PDK3: variants seen among roughly 807,000 people sequenced by gnomAD.
The protein encoded by PDK3 is pyruvate dehydrogenase kinase, isozyme 3.
Under a neutral mutation model 32.0 loss-of-function variants are expected in PDK3, and 12 were observed. The ratio of observed to expected loss-of-function variants is 0.37; its 90% confidence interval spans 0.24 to 0.61. The LOEUF (loss-of-function observed/expected upper bound fraction) is 0.61. PDK3 is among the 20% of genes least tolerant of loss of function. The pLI, the probability that PDK3 is intolerant of heterozygous loss-of-function variation, is 0.65. For synonymous variants in PDK3, 122 were observed against 116.3 expected (o/e 1.05, Z -0.31); for missense variants, 188 against 316.9 (o/e 0.59, Z 3.09).
rs373426706 is a variant in PDK3 at position 24,480,857 on chromosome X, C to G, written c.107-13885C>G. 1.6e-4 allele frequency among the ~76,000 whole-genome samples: 18 copies of G among 111,435 alleles called. 1 individual carries two copies. The East Asian group carries it at 3.1e-3, about 19-fold the overall frequency. ...ACGTATGCTAGTCAGAAGGATGAAT[C>G]ATATAATTTTGTGGTATCTTTTTGC... On this transcript the variant is annotated intron_variant, in intron 1 of 10. Coordinates refer to ENST00000379162, the MANE Select transcript of PDK3 (RefSeq NM_005391.5).
rs1486575043 is a variant in PDK3, at chrX:24,526,257, C to A, written c.733C>A (p.Leu245Ile). 5 of 1,183,121 alleles carry A rather than the reference C, an allele frequency of 4.2e-6. No individual in the cohort carries two copies. In the South Asian group the frequency reaches 7.2e-5, roughly 17 times the overall value. ...TGTGCCCTCACATCTGTTTCATATG[C>A]TATTTGAGTTGTTCAAGGTAAGTGG... ...VYVPSHLFHM[L>I]FELFKNSMRA... The change falls in exon 7 of 11, where the codon CTA becomes ATA. Residue 245 changes from leucine to isoleucine, a missense_variant. Coordinates refer to ENST00000379162, the MANE Select transcript of PDK3 (RefSeq NM_005391.5).
chrX:24,478,644 T>C (rs1921172789), intron 1 of PDK3, among the ~76,000 whole-genome samples: 1 of 112,235 alleles, frequency 8.9e-6, no homozygotes, highest in African/African-American at 3.2e-5. Context: ...TGCCTCATCT[T>C]AACTCTGAGA....
chrX:24,538,948 G>A (rs1369305663), downstream of PDK3, among the ~76,000 whole-genome samples: 3 of 111,584 alleles, frequency 2.7e-5, no homozygotes, highest in African/African-American at 6.5e-5. Flanking sequence ...GTAAAGAACC[G>A]TTTTAAAGTA....
intron 5 of PDK3, 42 bp from the exon 6 acceptor site, chrX:24,518,891 A>C: frequency 1.0e-5 from 8 of 798,310 alleles, no homozygotes; most frequent in African/African-American, 2.0e-5. Context: ...GCTTGTGCCT[A>C]TGTTATTAGT....
At chrX:24,529,782 A>G (rs1374714229) in intron 9 of PDK3, among the ~76,000 whole-genome samples, 1 of 110,793 alleles carries the variant, frequency 9.0e-6, no homozygotes, top group Non-Finnish European at 1.9e-5. Flanking sequence ...AAAAGAAAAG[A>G]AAAAGAAACT....
intron 6 of PDK3, among the ~76,000 whole-genome samples, chrX:24,522,862 C>T (rs542012603): frequency 3.7e-5 from 4 of 107,260 alleles, no homozygotes; most frequent in African/African-American, 1.0e-4. Context: ...GCTGAAATTG[C>T]GCCACTGCAC....
At chrX:24,529,120 G>A (rs1472485200) in intron 9 of PDK3, among the ~76,000 whole-genome samples, 2 of 111,640 alleles carry the variant, frequency 1.8e-5, no homozygotes, top group East Asian at 5.6e-4. Flanking sequence ...TTTGAGAGGC[G>A]TTGCCTTGAC....
At chrX:24,505,139 A>T in intron 4 of PDK3, 70 bp from the exon 5 acceptor site, 1 of 724,579 alleles carries the variant, frequency 1.4e-6, no homozygotes, top group Non-Finnish European at 2.1e-6. Context: ...ATAAGCCCCT[A>T]TATTTCCCTG....
At position 24,494,817 on chromosome X, in the gene PDK3, T is replaced by G; in HGVS notation, c.182T>G (p.Met61Arg). The G allele has an allele frequency of 8.3e-7, 1 of 1,201,913 alleles. No homozygotes were observed. The highest frequency in any genetic ancestry group is 1.1e-6 in the Non-Finnish European group (1 of 887,345). The change falls in exon 2 of 11, where the codon ATG becomes AGG. Residue 61 changes from methionine to arginine, a missense_variant. Met to Arg is a moderately conservative substitution (Grantham distance 91). Coordinates refer to ENST00000379162, the MANE Select transcript of PDK3 (RefSeq NM_005391.5). Reference sequence around the variant, plus strand: ...CTTCCTGTGCGGCTGGCTAACACAATGAGAGAAGTTAATCTTCTGCCGGAT... The same window carrying G: ...CTTCCTGTGCGGCTGGCTAACACAAGGAGAGAAGTTAATCTTCTGCCGGAT... ...KELPVRLANT[M>R]REVNLLPDNL...
intron 1 of PDK3, among the ~76,000 whole-genome samples, chrX:24,475,184 ATT>A (rs74314229): frequency 9.6e-6 from 1 of 103,836 alleles, no homozygotes. Context: ...TAAATGACAG[ATT>A]TTTTTTTTTT....
Position 24,494,729 on chromosome X carries a change from C to T in PDK3, c.107-13C>T. 8.6e-7 allele frequency: 1 copy of T among 1,158,819 alleles called. No homozygotes were observed. Among genetic ancestry groups the T allele is most frequent in the Non-Finnish European group, 1.2e-6 (1 of 858,201 alleles). On this transcript the variant is annotated splice_polypyrimidine_tract_variant and intron_variant, in intron 1 of 10. Coordinates refer to ENST00000379162, the MANE Select transcript of PDK3 (RefSeq NM_005391.5). ...GACTATAAAATCATGGAACATTTTT[C>T]ATGTCTTAATAGGGAGAGATAATGC... is the stretch of plus-strand genomic sequence containing the variant.
intron 5 of PDK3, among the ~76,000 whole-genome samples, chrX:24,505,514 G>A (rs758494981): frequency 1.8e-5 from 2 of 112,055 alleles, no homozygotes; most frequent in Admixed American, 9.5e-5. Context: ...GGCTCAAAAT[G>A]TGAGTTTCTA....
chrX:24,515,000 G>A (rs780063648), intron 5 of PDK3, among the ~76,000 whole-genome samples: 6 of 112,014 alleles, frequency 5.4e-5, no homozygotes, highest in East Asian at 2.8e-4. Context: ...AACACCTCCC[G>A]TCAGTGTAAT....
rs754880878 is a variant in PDK3 at position 24,525,259 on chromosome X, G to A, written c.674-939G>A. Among the ~76,000 whole-genome samples, 4 of 111,513 alleles carry A rather than the reference G, an allele frequency of 3.6e-5. No individual in the cohort carries two copies. The South Asian group carries it at 1.5e-3, about 42-fold the overall frequency. On this transcript the variant is annotated intron_variant, in intron 6 of 10. Transcript: ENST00000379162. The stretch of plus-strand genomic sequence containing the variant: ...GTGTCTGGTTTCGGTGCCACTTCTG[G>A]GACCACGGGCAAGTCACACAGGCTT...
intron 3 of PDK3, among the ~76,000 whole-genome samples, chrX:24,501,329 A>G (rs1314933819): frequency 8.9e-6 from 1 of 112,904 alleles, no homozygotes; most frequent in African/African-American, 3.2e-5. Context: ...ATCTTCAGAT[A>G]GTTCATGCAA....
At chrX:24,541,069 C>T (rs1922885260) in exon 12 of PDK3, among the ~76,000 whole-genome samples, 1 of 106,497 alleles carries the variant, frequency 9.4e-6, no homozygotes, top group African/African-American at 3.4e-5. Flanking sequence ...ACCACCACGC[C>T]CAGCTAGTTT....
intron 6 of PDK3, among the ~76,000 whole-genome samples, chrX:24,519,615 C>T: frequency 9.0e-6 from 1 of 110,870 alleles, no homozygotes; most frequent in East Asian, 2.8e-4. Flanking sequence ...GGTGATCCAC[C>T]CGCCTCAGCC....
At chrX:24,513,468 T>C (rs1922177588) in intron 5 of PDK3, 1 of 129,516 alleles carries the variant, frequency 7.7e-6, no homozygotes. Context: ...CAACCTTACC[T>C]TCATCTTCAG....
intron 6 of PDK3, among the ~76,000 whole-genome samples, chrX:24,523,494 G>A (rs1486755760): frequency 2.7e-5 from 3 of 112,345 alleles, no homozygotes; most frequent in Non-Finnish European, 5.6e-5. Context: ...AGATTGTCCT[G>A]GAGGGACTCT....
Sources: allele counts gnomAD v4.1 joint callset (sites outside exome capture counted in the v4.1 genomes callset), GRCh38; gene constraint gnomAD v4.1.1; transcripts MANE v1.5; gene names NCBI Gene and HGNC (gene_info 2026-07-23, HGNC 2026-07-21).